The following FMNL2 variants were observed in gnomAD, a reference collection of about 807,000 sequenced individuals.
FMNL2 encodes formin like 2, also known as formin-like protein 2.
Under a neutral mutation model 130.2 loss-of-function variants are expected in FMNL2, and 51 were observed. That is an observed-to-expected ratio of 0.39 (90% CI 0.31 to 0.49). The LOEUF is 0.49. FMNL2 is among the 20% of genes least tolerant of loss of function. The pLI is 0.85. For missense variants in FMNL2, 977 were observed against 1,316.2 expected (o/e 0.74, Z 3.99); for synonymous variants, 465 against 467.1 (o/e 1.00, Z 0.06).
intron 1 of FMNL2, among the ~76,000 whole-genome samples, chr2:152,384,025 G>A (rs1684646342): frequency 6.6e-6 from 1 of 152,108 alleles, no homozygotes; most frequent in South Asian, 2.1e-4. Context: ...TGGCTTATAT[G>A]CATTTGGAAT....
chr2:152,597,992 G>A (rs1490358332), intron 9 of FMNL2, among the ~76,000 whole-genome samples: 2 of 152,192 alleles, frequency 1.3e-5, no homozygotes, highest in African/African-American at 2.4e-5. Context: ...GTTGGCCTGA[G>A]ATATTTGGTC....
At chr2:152,618,457 G>A (rs1345624553) in intron 13 of FMNL2, among the ~76,000 whole-genome samples, 12 of 152,060 alleles carry the variant, frequency 7.9e-5, no homozygotes, top group Non-Finnish European at 5.9e-5. Flanking sequence ...TTTGTCTATT[G>A]TTAGCTGATA....
intron 1 of FMNL2, among the ~76,000 whole-genome samples, chr2:152,448,189 C>T (rs1284310614): frequency 6.6e-6 from 1 of 151,068 alleles, no homozygotes; most frequent in African/African-American, 2.4e-5. Context: ...TTGCACCTAG[C>T]ATTTGCTGAT....
At chr2:152,519,608 T>C (rs943202385) in intron 1 of FMNL2, among the ~76,000 whole-genome samples, 2 of 152,232 alleles carry the variant, frequency 1.3e-5, no homozygotes, top group Admixed American at 6.5e-5. Flanking sequence ...GAATTTATCC[T>C]TGGGAGCCTA....
intron 1 of FMNL2, among the ~76,000 whole-genome samples, chr2:152,519,895 A>C (rs554893598): frequency 6.6e-6 from 1 of 152,178 alleles, no homozygotes; most frequent in Admixed American, 6.5e-5. Flanking sequence ...TTATAATCTT[A>C]TTGTTCTTAC....
intron 1 of FMNL2, among the ~76,000 whole-genome samples, chr2:152,479,518 T>G (rs1172791089): frequency 2.0e-5 from 3 of 152,186 alleles, no homozygotes; most frequent in African/African-American, 7.2e-5. Context: ...TTTTGGCTCC[T>G]TCTATAGTTT....
chr2:152,617,151 A>G lies in FMNL2; in HGVS notation c.1273A>G (p.Lys425Glu). Residue 425 changes from lysine to glutamate, a missense_variant, in exon 13 of 26, where the codon AAG (lysine) becomes GAG (glutamate). By Grantham distance (56) the Lys-to-Glu change is moderately conservative. Coordinates refer to ENST00000288670, the MANE Select transcript of FMNL2 (RefSeq NM_052905.4). Reference sequence around the variant, plus strand: ...CATGTCCAAGATTGTGGAACTGGAAAAGCAACTCATGCAGAGGAACAAGGA... The same window carrying G: ...CATGTCCAAGATTGTGGAACTGGAAGAGCAACTCATGCAGAGGAACAAGGA... The part of the protein sequence containing the change: ...EAMSKIVELE[K>E]QLMQRNKELD... 1 of 1,614,054 alleles carries G rather than the reference A, an allele frequency of 6.2e-7. No homozygotes were observed. Among genetic ancestry groups the G allele is most frequent in the Non-Finnish European group, 8.5e-7 (1 of 1,179,904 alleles).
chr2:152,469,228 C>A (rs769473820), intron 1 of FMNL2, among the ~76,000 whole-genome samples: 1 of 152,206 alleles, frequency 6.6e-6, no homozygotes, highest in Non-Finnish European at 1.5e-5. Flanking sequence ...CTCACCACTT[C>A]CCTTGTCATC....
At chr2:152,442,162 G>T (rs1422745357) in intron 1 of FMNL2, among the ~76,000 whole-genome samples, 1 of 152,106 alleles carries the variant, frequency 6.6e-6, no homozygotes, top group African/African-American at 2.4e-5. Flanking sequence ...AACCTCCTCA[G>T]CGTCACCTAC....
chr2:152,564,776 G>GGTTTTTT (rs373585565), intron 6 of FMNL2, among the ~76,000 whole-genome samples: 2 of 79,324 alleles, frequency 2.5e-5, no homozygotes, highest in African/African-American at 4.8e-5. Context: ...TACAAGGTTG[G>GGTTTTTT]TTTTTTTTTT....
At chr2:152,643,488 T>C in intron 25 of FMNL2, 1 of 1,536,174 alleles carries the variant, frequency 6.5e-7, no homozygotes, top group Non-Finnish European at 8.7e-7. Flanking sequence ...GAACCTGTTC[T>C]CACTGAGGAA....
chr2:152,556,845 T>C (rs1158539775), intron 4 of FMNL2, among the ~76,000 whole-genome samples: 1 of 152,038 alleles, frequency 6.6e-6, no homozygotes, highest in Non-Finnish European at 1.5e-5. Flanking sequence ...CCACTGAGAA[T>C]ATGTACAACT....
intron 6 of FMNL2, among the ~76,000 whole-genome samples, chr2:152,569,108 A>T (rs867463058): frequency 3.7e-5 from 3 of 81,880 alleles, no homozygotes; most frequent in Non-Finnish European, 7.0e-5. Flanking sequence ...CCCCCGCCCC[A>T]ATCTTTTTTT....
At chr2:152,645,653 A>G (rs1337619805) in intron 25 of FMNL2, 3 of 452,162 alleles carry the variant, frequency 6.6e-6, no homozygotes, top group South Asian at 3.9e-5. Context: ...CATTCCAATG[A>G]TGCAGGGATT....
At chr2:152,634,822 A>G (rs1280413656) in intron 21 of FMNL2, among the ~76,000 whole-genome samples, 2 of 152,080 alleles carry the variant, frequency 1.3e-5, no homozygotes, top group African/African-American at 2.4e-5. Context: ...GGTGCATCTC[A>G]TTGATTTGCT....
chr2:152,392,948 T>G (rs1178458915), intron 1 of FMNL2, among the ~76,000 whole-genome samples: 1 of 152,074 alleles, frequency 6.6e-6, no homozygotes, highest in Non-Finnish European at 1.5e-5. Flanking sequence ...TCTGCTGCAG[T>G]TTTGTCAGTG....
At chr2:152,562,782 T>C (rs1379363813) in intron 6 of FMNL2, among the ~76,000 whole-genome samples, 1 of 152,198 alleles carries the variant, frequency 6.6e-6, no homozygotes, top group Non-Finnish European at 1.5e-5. Context: ...CTGATCACCT[T>C]GGAAATTCAG....
rs145973995 is a variant in FMNL2 at position 152,402,191 on chromosome 2, T to C, written c.117+66471T>C. The stretch of plus-strand genomic sequence containing the variant: ...TGCTGAGATTACAGGCGTGAGCCAC[T>C]ACGCCCGGCCGTGTTTGATCTTTTA... On this transcript the variant is annotated intron_variant, in intron 1 of 25. Transcript: ENST00000288670. Among the ~76,000 whole-genome samples, 257 of 152,276 alleles carry C rather than the reference T, an allele frequency of 1.7e-3. 1 individual carries two copies. Among genetic ancestry groups the C allele is most frequent in the African/African-American group, 4.5e-3 (187 of 41,558 alleles).
intron 25 of FMNL2, among the ~76,000 whole-genome samples, chr2:152,647,148 G>A (rs775480532): frequency 1.3e-5 from 2 of 152,170 alleles, no homozygotes; most frequent in African/African-American, 4.8e-5. Context: ...ACTGGTTCAA[G>A]TCTGGCCTGG....
Sources: gnomAD v4.1 joint callset for allele counts (sites outside exome capture counted in the v4.1 genomes callset) on GRCh38, gnomAD v4.1.1 for gene constraint, MANE v1.5 for transcripts, NCBI Gene and HGNC (gene_info 2026-07-23, HGNC 2026-07-21) for gene names.